The following WDPCP variants were observed in gnomAD, a reference collection of about 807,000 sequenced individuals.
WDPCP encodes the protein WD repeat-containing and planar cell polarity effector protein fritz homolog.
WDPCP carries 71 observed loss-of-function variants against 93.1 expected under a neutral mutation model. The observed-to-expected ratio is 0.76, with a 90% confidence interval of 0.63 to 0.93. The LOEUF (loss-of-function observed/expected upper bound fraction) is 0.93, where lower values mean the gene tolerates loss of function less well. WDPCP is among the 40% of genes least tolerant of loss of function. The pLI, the probability that WDPCP is intolerant of heterozygous loss-of-function variation, is 0.00. For missense variants in WDPCP, 844 were observed against 887.4 expected, an observed-to-expected ratio of 0.95 and a Z score of 0.62; for synonymous variants, 315 against 315.0, an observed-to-expected ratio of 1.00 and a Z score of 0.00.
At chr2:63,454,117 T>C (rs1051374196) in intron 6 of WDPCP, among the ~76,000 whole-genome samples, 9 of 141,032 alleles carry the variant, frequency 6.4e-5, no homozygotes, top group African/African-American at 2.4e-4. Context: ...AAAATATATA[T>C]ATATTAAAAA....
chr2:63,381,785 C>T, intron 11 of WDPCP, 121 bp downstream of exon 11: 1 of 1,027,380 alleles, frequency 9.7e-7, no homozygotes, highest in Non-Finnish European at 1.4e-6. Context: ...TAATAGAGCA[C>T]TAACATTTTT....
At chr2:63,642,019 T>C (rs1709985839) in intron 3 of WDPCP, among the ~76,000 whole-genome samples, 1 of 152,118 alleles carries the variant, frequency 6.6e-6, no homozygotes, top group Non-Finnish European at 1.5e-5. Context: ...TGAATATGCA[T>C]TTTTCCCAGC....
intron 15 of WDPCP, among the ~76,000 whole-genome samples, chr2:63,165,995 G>A (rs1574775994): frequency 6.6e-6 from 1 of 151,372 alleles, no homozygotes; most frequent in Non-Finnish European, 1.5e-5. Flanking sequence ...TGGACTGGTT[G>A]CCTGTTTTTG....
intron 3 of WDPCP, chr2:63,594,759 CAGGCACTGA>C (rs1709271565): frequency 3.7e-6 from 2 of 541,934 alleles, no homozygotes; most frequent in Non-Finnish European, 6.5e-6. Context: ...TGTACGCCTC[CAGGCACTGA>C]AAACACTTTG....
At position 63,170,727 on chromosome 2, in the gene WDPCP, TTC is replaced by T. The variant is rs1375890177; in HGVS notation, c.2078+3941_2078+3942del. Among the ~76,000 whole-genome samples, 14 of 152,342 alleles carry T rather than the reference TTC, an allele frequency of 9.2e-5. No homozygotes were observed. The East Asian group carries it at 2.7e-3, about 29-fold the overall frequency. Reference sequence around the variant, plus strand: ...TTAACTGATGTGTGTAGTTTTCATTTTCTGTTACTTTGTATGAAACTGTTCAT... The same window carrying T: ...TTAACTGATGTGTGTAGTTTTCATTTTGTTACTTTGTATGAAACTGTTCAT... On this transcript the variant is annotated intron_variant, in intron 15 of 17. Transcript: ENST00000272321.
chr2:63,687,331 G>T (rs1056425101), intron 2 of WDPCP, among the ~76,000 whole-genome samples: 3 of 152,180 alleles, frequency 2.0e-5, no homozygotes, highest in Admixed American at 6.5e-5. Context: ...TGGACAAATG[G>T]TATCACATGA....
At chr2:63,697,274 A>T (rs1320069751) in intron 2 of WDPCP, among the ~76,000 whole-genome samples, 1 of 152,166 alleles carries the variant, frequency 6.6e-6, no homozygotes, top group East Asian at 1.9e-4. Flanking sequence ...AGCCATTATT[A>T]TCCCCATTTT....
chr2:63,462,650 T>C (rs1699095822), intron 6 of WDPCP, among the ~76,000 whole-genome samples: 2 of 152,104 alleles, frequency 1.3e-5, no homozygotes, highest in Non-Finnish European at 2.9e-5. Flanking sequence ...GCTAAAAATA[T>C]GCAGAAAGGG....
intron 2 of WDPCP, among the ~76,000 whole-genome samples, chr2:63,653,815 C>A (rs1710135546): frequency 6.6e-6 from 1 of 151,180 alleles, no homozygotes; most frequent in Admixed American, 6.6e-5. Flanking sequence ...GAGGCTGAGG[C>A]ACGAGAATCA....
At chr2:63,149,744 T>C (rs762443812) in intron 17 of WDPCP, among the ~76,000 whole-genome samples, 16 of 152,200 alleles carry the variant, frequency 1.1e-4, no homozygotes, top group Non-Finnish European at 1.6e-4. Flanking sequence ...AAGAATGCAC[T>C]ATGTTTCCAC....
chr2:63,835,095 T>C, the WDPCP span, among the ~76,000 whole-genome samples: 3 of 151,910 alleles, frequency 2.0e-5, no homozygotes, highest in Non-Finnish European at 2.9e-5. Flanking sequence ...CAATTTAAAA[T>C]GGCACCAGAA....
At chr2:63,256,954 G>A (rs906049531) in intron 14 of WDPCP, among the ~76,000 whole-genome samples, 2 of 152,110 alleles carry the variant, frequency 1.3e-5, no homozygotes, top group Admixed American at 6.6e-5. Context: ...GGCTTCTGGG[G>A]TCCTGGTAAC....
intron 2 of WDPCP, among the ~76,000 whole-genome samples, chr2:63,697,094 G>T (rs1056783617): frequency 4.6e-5 from 7 of 152,152 alleles, no homozygotes; most frequent in Admixed American, 2.0e-4. Flanking sequence ...GTCTTAAAAT[G>T]ATGTTGTAGA....
At chr2:63,437,764 T>G in intron 7 of WDPCP, 3 of 1,299,474 alleles carry the variant, frequency 2.3e-6, no homozygotes, top group Non-Finnish European at 3.2e-6. Context: ...TTTTTTCCTG[T>G]GACTATTTCA....
intron 3 of WDPCP, among the ~76,000 whole-genome samples, chr2:63,608,182 T>C (rs1709574376): frequency 6.6e-6 from 1 of 152,138 alleles, no homozygotes; most frequent in African/African-American, 2.4e-5. Context: ...TTAGAATATT[T>C]TCATTATATT....
intron 1 of WDPCP, among the ~76,000 whole-genome samples, chr2:63,570,940 C>CT (rs1477615583): frequency 6.6e-6 from 1 of 151,096 alleles, no homozygotes; most frequent in African/African-American, 2.4e-5. Flanking sequence ...GAGTCTCATT[C>CT]TGTCACCCAG....
chr2:63,703,999 T>C (rs1274593371), intron 2 of WDPCP, among the ~76,000 whole-genome samples: 1 of 152,198 alleles, frequency 6.6e-6, no homozygotes, highest in Non-Finnish European at 1.5e-5. Context: ...GTAGTGCTCC[T>C]TGAAGAGGTC....
At chr2:63,522,496 A>AC (rs3051740) in intron 1 of WDPCP, among the ~76,000 whole-genome samples, 116 of 151,034 alleles carry the variant, frequency 7.7e-4, no homozygotes, top group African/African-American at 2.5e-3. Flanking sequence ...ACACACACAC[A>AC]AACATACAAA....
chr2:63,582,590 A>G (rs563552154), intron 1 of WDPCP, among the ~76,000 whole-genome samples: 2 of 152,146 alleles, frequency 1.3e-5, no homozygotes, highest in African/African-American at 2.4e-5. Flanking sequence ...AGCACAAGAA[A>G]CATAAAAAAG....
Sources: gnomAD v4.1 joint callset for allele counts (sites outside exome capture counted in the v4.1 genomes callset) on GRCh38, gnomAD v4.1.1 for gene constraint, MANE v1.5 for transcripts, NCBI Gene and HGNC (gene_info 2026-07-23, HGNC 2026-07-21) for gene names.